The following UNC13A variants were observed in gnomAD, a reference collection of about 807,000 sequenced individuals.
UNC13A encodes protein unc-13 homolog A.
UNC13A carries 61 observed loss-of-function variants against 219.7 expected under a neutral mutation model. That is an observed-to-expected ratio of 0.28 (90% CI 0.23 to 0.34). UNC13A has a LOEUF of 0.34. Ranked by LOEUF, UNC13A falls within the 10% of genes least tolerant of loss-of-function variation. The pLI, the probability that UNC13A is intolerant of heterozygous loss-of-function variation, is 1.00. For missense variants in UNC13A, 1,476 were observed against 2,270.3 expected, an observed-to-expected ratio of 0.65 and a Z score of 7.11; for synonymous variants, 920 against 884.6, an observed-to-expected ratio of 1.04 and a Z score of -0.71.
At chr19:17,670,222 A>G (rs2079758970) in intron 4 of UNC13A, among the ~76,000 whole-genome samples, 2 of 151,108 alleles carry the variant, frequency 1.3e-5, no homozygotes, top group African/African-American at 2.4e-5. Context: ...CTGGGATTAC[A>G]GGCATGAGCC....
intron 31 of UNC13A, 56 bp downstream of exon 31, chr19:17,629,184 T>G: frequency 6.8e-7 from 1 of 1,479,264 alleles, no homozygotes; most frequent in East Asian, 2.4e-5. Context: ...AAGGGAGTCC[T>G]GGGGATGCTG....
Position 17,603,663 on chromosome 19 carries a change from G to C in UNC13A, c.*2391C>G, listed in dbSNP as rs2076490597. ...GACACTTGGGCCATTCACATGTCGG[G>C]AAACCAACGTCACAAACATACAACA... On this transcript the variant is annotated 3_prime_UTR_variant, in exon 44 of 44. Transcript: ENST00000519716. 6.6e-6 allele frequency: 1 copy of C among 152,232 alleles called. No homozygotes were observed. The highest frequency in any genetic ancestry group is 1.5e-5 in the Non-Finnish European group (1 of 68,046). The allele number at this position is 152,232 out of a possible 1,614,324, so 9.4% of individuals were successfully genotyped here. A position where few individuals can be genotyped will look rare whatever the true frequency, so the allele number is the denominator to read the frequency against.
intron 22 of UNC13A, among the ~76,000 whole-genome samples, chr19:17,640,259 G>A (rs1424446914): frequency 2.0e-5 from 3 of 152,060 alleles, no homozygotes; most frequent in Non-Finnish European, 4.4e-5. Context: ...GGCTGGTCTC[G>A]AACTCCTGGC....
At chr19:17,609,408 C>T (rs960559270) in intron 43 of UNC13A, among the ~76,000 whole-genome samples, 3 of 151,944 alleles carry the variant, frequency 2.0e-5, no homozygotes, top group Non-Finnish European at 4.4e-5. Context: ...CACCCACCCC[C>T]AAGCCTGGGA....
chr19:17,671,873 G>A (rs1291153716), intron 4 of UNC13A, among the ~76,000 whole-genome samples: 1 of 152,180 alleles, frequency 6.6e-6, no homozygotes, highest in Non-Finnish European at 1.5e-5. Flanking sequence ...CTTCTTATGA[G>A]TTGGTGTAAG....
At chr19:17,622,832 T>C in intron 36 of UNC13A, 1 of 152,472 alleles carries the variant, frequency 6.6e-6, no homozygotes, top group South Asian at 2.0e-4. Flanking sequence ...AGGGAGGTGA[T>C]GCAATGAGCC....
At chr19:17,660,229 C>T (rs1297382107) in intron 8 of UNC13A, among the ~76,000 whole-genome samples, 3 of 152,124 alleles carry the variant, frequency 2.0e-5, no homozygotes, top group East Asian at 1.9e-4. Flanking sequence ...TGTCCTTGAC[C>T]GGGCTGAGAT....
intron 41 of UNC13A, among the ~76,000 whole-genome samples, chr19:17,614,978 G>A (rs2076647080): frequency 6.6e-6 from 1 of 152,112 alleles, no homozygotes. Flanking sequence ...GGCAGTGCTG[G>A]GTGCCCCCAT....
intron 22 of UNC13A, 46 bp from the exon 23 acceptor site, chr19:17,639,954 GC>G (rs1226436579): frequency 6.3e-7 from 1 of 1,599,336 alleles, no homozygotes; most frequent in East Asian, 2.2e-5. Flanking sequence ...GCAGGACATG[GC>G]CGCCATAGTG....
In UNC13A at chr19:17,655,376, C is replaced by T. The variant is rs573880792; in HGVS notation, c.1290G>A (p.Arg430=). The T allele has an allele frequency of 4.4e-6, 7 of 1,579,156 alleles. No individual in the cohort carries two copies. In the Admixed American group the frequency reaches 9.1e-5, roughly 21 times the overall value. The change falls in exon 11 of 44, where the codon AGG becomes AGA. Residue 430 remains arginine (R), a synonymous_variant. Coordinates refer to ENST00000519716, the MANE Select transcript of UNC13A (RefSeq NM_001080421.3). ...CCTGGCCTTCCTCATCCTCTCTCGG[C>T]CTGAAACTGAGGCAGGGAACGCTAT... ...AEPPKDEESF[R]PREDEEGQEG...
At chr19:17,619,438 C>CTT (rs3049774) in intron 38 of UNC13A, among the ~76,000 whole-genome samples, 18 of 90,306 alleles carry the variant, frequency 2.0e-4, no homozygotes, top group Non-Finnish European at 3.6e-4. Context: ...TTTTTCTTTT[C>CTT]TTTTTTTTTT....
In UNC13A at chr19:17,672,368, C is replaced by T. The variant is rs370626106; in HGVS notation, c.270+10G>A. ...CCTCCTTCTTCACCCTCAGGCCACC[C>T]GCCACTCACCTCATTGGACTGGCGG... On this transcript the variant is annotated intron_variant, in intron 4 of 43. Transcript: ENST00000519716. 85 of 1,612,454 alleles carry T rather than the reference C, an allele frequency of 5.3e-5. No homozygotes were observed. In the East Asian group the frequency reaches 9.4e-4, roughly 18 times the overall value.
At chr19:17,610,128 G>T in intron 42 of UNC13A, 29 bp from the exon 43 acceptor site, 3 of 1,612,366 alleles carry the variant, frequency 1.9e-6, no homozygotes, top group Non-Finnish European at 2.5e-6. Flanking sequence ...GGTAAGACAG[G>T]TCAGGTTCTC....
intron 25 of UNC13A, among the ~76,000 whole-genome samples, chr19:17,638,084 G>A (rs541520398): frequency 1.7e-5 from 2 of 118,104 alleles, no homozygotes; most frequent in African/African-American, 3.4e-5. Context: ...CTGGGTAGGG[G>A]CTGCCTCCAG....
intron 29 of UNC13A, 94 bp from the exon 30 acceptor site, chr19:17,630,382 ACC>A: frequency 6.6e-7 from 1 of 1,509,294 alleles, no homozygotes; most frequent in Non-Finnish European, 8.9e-7. Context: ...AGAGCCAGAG[ACC>A]AATTTCCCCG....
Position 17,688,269 on chromosome 19 carries a change from G to T in UNC13A, c.-70C>A. 2 of 1,383,624 alleles carry T rather than the reference G, an allele frequency of 1.4e-6. No individual in the cohort carries two copies. Among genetic ancestry groups the T allele is most frequent in the Non-Finnish European group, 1.9e-6 (2 of 1,069,522 alleles). 85.7% of individuals were successfully genotyped at this position (1,383,624 alleles called of 1,614,324 possible). A position where few individuals can be genotyped will look rare whatever the true frequency, so the allele number is the denominator to read the frequency against. Reference sequence around the variant, plus strand: ...GTCGGGTCGGGCTCAGCGGCCGCTGGGCTGGGGCATCTCCCGGCTGCAGCC... The same window carrying T: ...GTCGGGTCGGGCTCAGCGGCCGCTGTGCTGGGGCATCTCCCGGCTGCAGCC... On this transcript the variant is annotated 5_prime_UTR_variant, in exon 1 of 44. Transcript: ENST00000519716.
chr19:17,621,015 G>C (rs1333598188), intron 37 of UNC13A, among the ~76,000 whole-genome samples: 3 of 152,098 alleles, frequency 2.0e-5, no homozygotes, highest in Non-Finnish European at 4.4e-5. Flanking sequence ...GGGAGGTGGG[G>C]AGATGAGACA....
At chr19:17,645,588 A>T (rs1056082411) in intron 19 of UNC13A, 86 bp downstream of exon 19, 3 of 1,564,920 alleles carry the variant, frequency 1.9e-6, no homozygotes. Context: ...TCCTGAGAAC[A>T]CATCTCTCTG....
rs577178783 is a variant in UNC13A at position 17,606,205 on chromosome 19, G to A, written c.4961C>T (p.Pro1654Leu). The A allele has an allele frequency of 2.2e-5, 34 of 1,551,650 alleles. No homozygotes were observed. Among genetic ancestry groups the A allele is most frequent in the Admixed American group, 3.9e-5 (2 of 50,970 alleles). The change falls in exon 44 of 44, where the codon CCG becomes CTG. Residue 1654 changes from proline to leucine, a missense_variant. Pro to Leu is a moderately conservative substitution (Grantham distance 98). Transcript: ENST00000519716. The stretch of plus-strand genomic sequence containing the variant: ...GTCCATGTGGATGCGGCGGCCGAGC[G>A]GCAGCCAGCAGGCGGCGCTCCCGCG... Reference protein sequence around the residue: ...AQRGSAACWLPLGRRIHMDDT... With the variant: ...AQRGSAACWLLLGRRIHMDDT...
Sources: gnomAD v4.1 joint callset for allele counts (sites outside exome capture counted in the v4.1 genomes callset) on GRCh38, gnomAD v4.1.1 for gene constraint, MANE v1.5 for transcripts, NCBI Gene and HGNC (gene_info 2026-07-23, HGNC 2026-07-21) for gene names.